Variants in KCNC3 observed in about 807,000 individuals in gnomAD.
The protein encoded by KCNC3 is potassium voltage-gated channel subfamily C member 3.
Under a neutral mutation model 43.9 loss-of-function variants are expected in KCNC3, and 22 were observed. The observed-to-expected ratio is 0.50, with a 90% confidence interval of 0.36 to 0.72. KCNC3 has a LOEUF of 0.72. Among genes scored for constraint, KCNC3 ranks in the 30% least tolerant of loss-of-function variants. The probability of loss-of-function intolerance (pLI) is 0.00; values close to 1 mark genes in which losing one functional copy is unlikely to be tolerated. For synonymous variants in KCNC3, 492 were observed against 488.0 expected (o/e 1.01, Z -0.11); for missense variants, 829 against 1,073.8 (o/e 0.77, Z 3.19).
rs767716326 is a variant in KCNC3, at chr19:50,323,096, C to T, written c.1857G>A (p.Thr619=). Residue 619 remains threonine (T), a synonymous_variant, in exon 2 of 5, where the codon ACG becomes ACA. Coordinates refer to ENST00000477616, the MANE Select transcript of KCNC3 (RefSeq NM_004977.3). The part of the protein sequence containing the change: ...VAGAYPAGPH[T]HPGLLRGGAG... ...CTCCCCCCCTGAGCAGCCCGGGGTG[C>T]GTGTGGGGCCCCGCTGGGTAGGCCC... 16 of 1,539,300 alleles carry T rather than the reference C, an allele frequency of 1.0e-5. No individual in the cohort carries two copies. The East Asian group carries it at 1.2e-4, about 12-fold the overall frequency.
At position 50,324,869 on chromosome 19, in the gene KCNC3, C is replaced by T. The variant is rs921575707; in HGVS notation, c.871-787G>A. On this transcript the variant is annotated intron_variant, in intron 1 of 4. Transcript: ENST00000477616. This position sits in a 1 kb window ranked among gnomAD's most constrained non-coding sequence, Gnocchi z 4.1. ...GTGCCACAGAGGGGAGGTGGGGGTC[C>T]GGGCCCTTAAGGGAGGAGGGGTTGA... Among the ~76,000 whole-genome samples the T allele has an allele frequency of 2.6e-5, 4 of 151,560 alleles. No individual in the cohort carries two copies. The highest frequency in any genetic ancestry group is 2.1e-4 in the South Asian group (1 of 4,790).
chr19:50,321,023 TGGGAAGG>T (rs2037027557), intron 2 of KCNC3, among the ~76,000 whole-genome samples: 1 of 131,454 alleles, frequency 7.6e-6, no homozygotes, highest in South Asian at 2.3e-4. Context: ...GGTTGAGTGC[TGGGAAGG>T]GCGACTGCAG....
At chr19:50,320,998 G>T (rs1047713614) in intron 2 of KCNC3, among the ~76,000 whole-genome samples, 1 of 146,264 alleles carries the variant, frequency 6.8e-6, no homozygotes, top group African/African-American at 2.6e-5. Context: ...GGCGCGGCTG[G>T]GGGGTGATCA....
At position 50,328,903 on chromosome 19, in the gene KCNC3, C is replaced by G; in HGVS notation, c.180G>C (p.Gly60=). The G allele has an allele frequency of 1.1e-6, 1 of 948,512 alleles. No homozygotes were observed. The highest frequency in any genetic ancestry group is 1.3e-6 in the Non-Finnish European group (1 of 795,566). The allele number at this position is 948,512 out of a possible 1,614,324, so 58.8% of individuals were successfully genotyped here. The stretch of plus-strand genomic sequence containing the variant: ...ATGGCTCGGCGCGCCGGTCCCCGGG[C>G]CCGCGGGGTGCCGGGGGGCCCGCCG... ...ASPAGPPAPR[G]PGDRRAEPCP... Residue 60 remains glycine (G), a synonymous_variant, in exon 1 of 5, where the codon GGG becomes GGC. Transcript: ENST00000477616.
upstream of KCNC3, among the ~76,000 whole-genome samples, chr19:50,332,395 A>T (rs371979683): frequency 2.6e-4 from 40 of 152,056 alleles, no homozygotes; most frequent in African/African-American, 8.9e-4. The surrounding 1 kb of genome is among the most constrained non-coding windows in gnomAD (Gnocchi z 5.8). Context: ...AAGGGGCTGG[A>T]ATAAGGAGGA....
rs1448014057 is a variant in KCNC3 at position 50,320,611 on chromosome 19, C to G, written c.2152G>C (p.Asp718His). Residue 718 changes from aspartate to histidine, a missense_variant, in exon 3 of 5, where the codon GAT becomes CAT. Physicochemically the swap from Asp to His is moderately conservative, Grantham distance 81 (BLOSUM62 -1). Around this residue, in one of 7 missense-constraint regions of KCNC3, gnomAD observed 308 missense variants for 276.2 expected, o/e 1.11. Transcript: ENST00000477616. ...ACCTCACCTTTTCGGATGGAGCCAT[C>G]AGGGGAAGGGGCATAGTCGGTGAGG... ...FLLTDYAPSP[D>H]GSIRKATGAP... 2 of 1,612,208 alleles carry G rather than the reference C, an allele frequency of 1.2e-6. No homozygotes were observed. Among genetic ancestry groups the G allele is most frequent in the Non-Finnish European group, 1.7e-6 (2 of 1,179,732 alleles).
chr19:50,315,184 G>T lies in KCNC3; in HGVS notation c.*931C>A, dbSNP rs1387053957. On this transcript the variant is annotated 3_prime_UTR_variant, in exon 5 of 5. Coordinates refer to ENST00000477616, the MANE Select transcript of KCNC3 (RefSeq NM_004977.3). ...CAGGCAGACAGAGACACAAAAGGAC[G>T]GATGACAAGAGACAGATGGACAGAG... 6.6e-6 allele frequency among the ~76,000 whole-genome samples: 1 copy of T among 152,046 alleles called. No individual in the cohort carries two copies. The highest frequency in any genetic ancestry group is 1.5e-5 in the Non-Finnish European group (1 of 67,988).
At chr19:50,320,055 A>T (rs1278850508) in intron 4 of KCNC3, among the ~76,000 whole-genome samples, 168 bp downstream of exon 4, 2 of 98,034 alleles carry the variant, frequency 2.0e-5, no homozygotes, top group Non-Finnish European at 4.3e-5. Context: ...AGTCCTGGGT[A>T]GGTGGGTGTG....
chr19:50,330,239 C>T (rs527270421), upstream of KCNC3, among the ~76,000 whole-genome samples: 20 of 152,166 alleles, frequency 1.3e-4, no homozygotes, highest in South Asian at 1.5e-3. Flanking sequence ...TCCACTCCAG[C>T]CTGGGCGACA....
chr19:50,312,626 G>C lies in KCNC3; in HGVS notation c.*3489C>G, dbSNP rs1373836160. On this transcript the variant is annotated 3_prime_UTR_variant, in exon 5 of 5. Coordinates refer to ENST00000477616, the MANE Select transcript of KCNC3 (RefSeq NM_004977.3). ...ATCACGTTTTGTAGAAGTTTATCAT[G>C]ATTGTGGTTATTTTGAAAAGCTGAA... 1 of 152,340 alleles carries C rather than the reference G, an allele frequency of 6.6e-6. No homozygotes were observed. Among genetic ancestry groups the C allele is most frequent in the African/African-American group, 2.4e-5 (1 of 41,456 alleles). The allele number at this position is 152,340 out of a possible 1,614,324, so 9.4% of individuals were successfully genotyped here. A position where few individuals can be genotyped will look rare whatever the true frequency, so the allele number is the denominator to read the frequency against.
intron 1 of KCNC3, among the ~76,000 whole-genome samples, chr19:50,326,412 TCCAACC>T (rs1414647921): frequency 1.3e-5 from 2 of 150,826 alleles, no homozygotes; most frequent in East Asian, 4.0e-4. Flanking sequence ...CCTCCCCCCA[TCCAACC>T]CCAAATCTCG....
Position 50,314,806 on chromosome 19 carries a change from C to T in KCNC3, c.*1309G>A. On this transcript the variant is annotated 3_prime_UTR_variant, in exon 5 of 5. Coordinates refer to ENST00000477616, the MANE Select transcript of KCNC3 (RefSeq NM_004977.3). ...CACCCCCCACCCCCAGCTCCTTTGA[C>T]CTTCTTCCCGGTCACCCCCGAGTCC... 2.6e-6 allele frequency: 1 copy of T among 383,870 alleles called. No individual in the cohort carries two copies. Among genetic ancestry groups the T allele is most frequent in the Admixed American group, 3.0e-5 (1 of 33,030 alleles). The allele number at this position is 383,870 out of a possible 1,614,324, so 23.8% of individuals were successfully genotyped here.
chr19:50,326,936 C>G (rs1282297046), intron 1 of KCNC3, among the ~76,000 whole-genome samples: 1 of 148,520 alleles, frequency 6.7e-6, no homozygotes, highest in African/African-American at 2.5e-5. Flanking sequence ...GGGGGAGGTT[C>G]GAGAAAGGAA....
chr19:50,320,454 T>A (rs1601095262), intron 3 of KCNC3, 105 bp from the exon 4 acceptor site: 3 of 736,054 alleles, frequency 4.1e-6, no homozygotes, highest in East Asian at 5.5e-5. Flanking sequence ...ACAGGGAAGA[T>A]CTGGGAGGGA....
At chr19:50,322,926 CCTCCCCGGGT>C in intron 2 of KCNC3, 39 bp downstream of exon 2, 1 of 1,533,992 alleles carries the variant, frequency 6.5e-7, no homozygotes, top group Non-Finnish European at 8.8e-7. Context: ...CCTCCCCAGT[CCTCCCCGGGT>C]CTCCACCTGT....
chr19:50,328,320 C>G lies in KCNC3; in HGVS notation c.763G>C (p.Gly255Arg). The G allele has an allele frequency of 8.8e-7, 1 of 1,131,510 alleles. No individual in the cohort carries two copies. Among genetic ancestry groups the G allele is most frequent in the Admixed American group, 4.8e-5 (1 of 20,746 alleles). The allele number at this position is 1,131,510 out of a possible 1,614,324, so 70.1% of individuals were successfully genotyped here. A position where few individuals can be genotyped will look rare whatever the true frequency, so the allele number is the denominator to read the frequency against. Reference protein sequence around the residue: ...LCFQDAGGGAGGPPGGAGGAG... With the variant: ...LCFQDAGGGARGPPGGAGGAG... ...CCGCCCGCGCCCCCTGGCGGCCCCC[C>G]GGCGCCGCCGCCCGCGTCCTGGAAG... The change falls in exon 1 of 5, where the codon GGG (glycine) becomes CGG (arginine). Residue 255 changes from glycine to arginine, a missense_variant. Physicochemically the swap from Gly to Arg is moderately radical, Grantham distance 125. Around this residue, in one of 7 missense-constraint regions of KCNC3, gnomAD observed 60 missense variants for 56.0 expected, o/e 1.07. Transcript: ENST00000477616.
Position 50,323,858 on chromosome 19 carries a change from C to A in KCNC3, c.1095G>T (p.Met365Ile). The change falls in exon 2 of 5, where the codon ATG (methionine) becomes ATT (isoleucine). Residue 365 changes from methionine (M) to isoleucine (I), a missense_variant. Physicochemically the swap from Met to Ile is conservative, Grantham distance 10. This residue lies in a region of KCNC3 where 157 missense variants were observed against 293.5 expected (regional missense o/e 0.53). Transcript: ENST00000477616. ...CCTTGTCTGGGCAGAAGGTGATGCG[C>A]ATGAGGAACTCGAAGGTGAACCAGA... The part of the protein sequence containing the change: ...CVVWFTFEFL[M>I]RITFCPDKVE... 6.2e-7 allele frequency: 1 copy of A among 1,614,178 alleles called. No individual in the cohort carries two copies. The highest frequency in any genetic ancestry group is 8.5e-7 in the Non-Finnish European group (1 of 1,180,036).
upstream of KCNC3, among the ~76,000 whole-genome samples, chr19:50,330,256 G>C (rs2037171804): frequency 6.6e-6 from 1 of 152,094 alleles, no homozygotes; most frequent in Non-Finnish European, 1.5e-5. Context: ...GACAGAGCGA[G>C]ACTCTGTGTC....
chr19:50,320,845 G>A (rs971019053), intron 2 of KCNC3, 61 bp from the exon 3 acceptor site: 25 of 1,523,700 alleles, frequency 1.6e-5, no homozygotes, highest in Non-Finnish European at 2.2e-5. Context: ...GTGAACACGC[G>A]GTGGGGCAAG....
Sources: gnomAD v4.1 joint callset for allele counts (sites outside exome capture counted in the v4.1 genomes callset) on GRCh38, gnomAD v4.1.1 for gene constraint, gnomAD v4.1.1 regional missense constraint, Gnocchi (gnomAD v3.1) non-coding constraint, MANE v1.5 for transcripts, NCBI Gene and HGNC (gene_info 2026-07-23, HGNC 2026-07-21) for gene names.